Variants in SNRNP70 observed in about 807,000 individuals in gnomAD.
SNRNP70 encodes the protein U1 small nuclear ribonucleoprotein 70 kDa.
Under a neutral mutation model 50.5 loss-of-function variants are expected in SNRNP70, and 8 were observed. That is an observed-to-expected ratio of 0.16 (90% CI 0.09 to 0.29). SNRNP70 has a LOEUF of 0.29. Ranked by LOEUF, SNRNP70 falls within the 10% of genes least tolerant of loss-of-function variation. The pLI, the probability that SNRNP70 is intolerant of heterozygous loss-of-function variation, is 1.00. For missense variants in SNRNP70, 529 were observed against 663.5 expected (o/e 0.80, Z 2.23); for synonymous variants, 320 against 252.9 (o/e 1.27, Z -2.52).
At chr19:49,106,360 TA>T (rs1215543378) in intron 8 of SNRNP70, among the ~76,000 whole-genome samples, 1 of 152,232 alleles carries the variant, frequency 6.6e-6, no homozygotes, top group African/African-American at 2.4e-5. Context: ...TACTGTAACC[TA>T]AAGTTTGAGG....
In SNRNP70 at chr19:49,104,882, C is replaced by T. The variant is rs1295494260; in HGVS notation, c.577+147C>T. 8.6e-6 allele frequency: 5 copies of T among 581,160 alleles called. No homozygotes were observed. The highest frequency in any genetic ancestry group is 7.6e-5 in the African/African-American group (4 of 52,464). The allele number at this position is 581,160 out of a possible 1,614,324, so 36.0% of individuals were successfully genotyped here. On this transcript the variant is annotated intron_variant, in intron 8 of 9. Coordinates refer to ENST00000598441, the MANE Select transcript of SNRNP70 (RefSeq NM_003089.6). This position sits in a 1 kb window ranked among gnomAD's most constrained non-coding sequence, Gnocchi z 5.4. Reference sequence around the variant, plus strand: ...ATCTCCGGCTTCTCTCTCTTGTGGCCATCACATTTCTGACAGCTGCCTGCC... The same window carrying T: ...ATCTCCGGCTTCTCTCTCTTGTGGCTATCACATTTCTGACAGCTGCCTGCC...
At position 49,101,485 on chromosome 19, in the gene SNRNP70, G is replaced by A. The variant is rs947214801; in HGVS notation, c.475+14G>A. The stretch of plus-strand genomic sequence containing the variant: ...GAGACATGCACTGTGAGTACCTCCC[G>A]CCGAGCCCTGCCCTCTGACCTGCTC... On this transcript the variant is annotated intron_variant, in intron 7 of 9. Transcript: ENST00000598441. 5 of 1,594,736 alleles carry A rather than the reference G, an allele frequency of 3.1e-6. No homozygotes were observed. Among genetic ancestry groups the A allele is most frequent in the African/African-American group, 1.3e-5 (1 of 74,488 alleles).
chr19:49,108,550 G>T lies in SNRNP70; in HGVS notation c.*107G>T. On this transcript the variant is annotated 3_prime_UTR_variant, in exon 10 of 10. Coordinates refer to ENST00000598441, the MANE Select transcript of SNRNP70 (RefSeq NM_003089.6). The stretch of plus-strand genomic sequence containing the variant: ...ACTTGAGTTTGTCCTCCAAGGGTAG[G>T]TGTCTCATTTGTTCTGGCCCCTTGG... 2.1e-6 allele frequency: 3 copies of T among 1,401,210 alleles called. No individual in the cohort carries two copies. The South Asian group carries it at 4.1e-5, about 19-fold the overall frequency. The allele number at this position is 1,401,210 out of a possible 1,614,324, so 86.8% of individuals were successfully genotyped here.
intron 7 of SNRNP70, chr19:49,102,025 A>C (rs1179976481): frequency 1.8e-6 from 1 of 556,868 alleles, no homozygotes; most frequent in Non-Finnish European, 2.9e-6. Context: ...CGGCGTCCAC[A>C]TGGGCAGGGA....
chr19:49,085,504 T>C lies in SNRNP70; in HGVS notation c.-143T>C, dbSNP rs183919093. 2.4e-3 allele frequency: 1,109 copies of C among 454,364 alleles called. 3 individuals are homozygous for C. The highest frequency in any genetic ancestry group is 3.9e-3 in the Non-Finnish European group (871 of 225,644). 28.1% of individuals were successfully genotyped at this position (454,364 alleles called of 1,614,324 possible). A position where few individuals can be genotyped will look rare whatever the true frequency, so the allele number is the denominator to read the frequency against. On this transcript the variant is annotated 5_prime_UTR_variant, in exon 1 of 10. Transcript: ENST00000598441. ...TGAGCAGCGGCCTGGTGCGCTCGCT[T>C]AGCGGGCGACGGAATCAGACGGACG...
chr19:49,105,729 C>CAA (rs533671522), intron 8 of SNRNP70, among the ~76,000 whole-genome samples: 8 of 135,520 alleles, frequency 5.9e-5, no homozygotes, highest in African/African-American at 1.8e-4. Context: ...GACTCTGTCT[C>CAA]AAAAAAAAAA....
In SNRNP70 at chr19:49,090,333, G is replaced by A; in HGVS notation, c.190G>A (p.Glu64Lys). ...APPPTRAETREERMERKRREK... is the reference protein window; with the variant it reads ...APPPTRAETRKERMERKRREK... ...TCCTCCAACTCGTGCTGAAACCCGA[G>A]AGGAGCGCATGGAGAGGAAAGTATG... The change falls in exon 3 of 10, where the codon GAG becomes AAG. Residue 64 changes from glutamate to lysine, a missense_variant. Around this residue, in one of 4 missense-constraint regions of SNRNP70, gnomAD observed 149 missense variants for 259.7 expected, o/e 0.57. Coordinates refer to ENST00000598441, the MANE Select transcript of SNRNP70 (RefSeq NM_003089.6). The A allele has an allele frequency of 6.2e-7, 1 of 1,614,010 alleles. No individual in the cohort carries two copies. Among genetic ancestry groups the A allele is most frequent in the South Asian group, 1.1e-5 (1 of 91,074 alleles).
chr19:49,095,753 T>C (rs7253574), intron 4 of SNRNP70, among the ~76,000 whole-genome samples: 70,657 of 151,680 alleles, frequency 0.47, 16,665 homozygotes, highest in South Asian at 0.55. Flanking sequence ...TCTTGAACTC[T>C]TGGTCACAAG....
chr19:49,102,018 C>T (rs2040594970), intron 7 of SNRNP70: 3 of 522,208 alleles, frequency 5.7e-6, no homozygotes, highest in South Asian at 1.6e-5. Context: ...GCTGCCGCGG[C>T]GTCCACATGG....
Position 49,108,278 on chromosome 19 carries a change from G to A in SNRNP70, c.1149G>A (p.Arg383=). The A allele has an allele frequency of 1.3e-6, 2 of 1,563,188 alleles. No individual in the cohort carries two copies. The highest frequency in any genetic ancestry group is 1.7e-6 in the Non-Finnish European group (2 of 1,154,590). ...DRDREHKRGE[R]GSERGRDEAR... Reference sequence around the variant, plus strand: ...ACCGCGAGCACAAACGGGGGGAGCGGGGCAGTGAGCGGGGCAGGGATGAGG... The same window carrying A: ...ACCGCGAGCACAAACGGGGGGAGCGAGGCAGTGAGCGGGGCAGGGATGAGG... Residue 383 remains arginine, a synonymous_variant, in exon 10 of 10, where the codon CGG becomes CGA. Coordinates refer to ENST00000598441, the MANE Select transcript of SNRNP70 (RefSeq NM_003089.6).
intron 2 of SNRNP70, 123 bp downstream of exon 2, chr19:49,086,684 A>G (rs75684652): frequency 3.9e-4 from 347 of 890,860 alleles, no homozygotes; most frequent in Non-Finnish European, 5.8e-4. Flanking sequence ...AACCTTTGTG[A>G]TCCTCAGTTT....
rs1568424612 is a variant in SNRNP70 at position 49,108,057 on chromosome 19, CGTGGCGGCG to C, written c.935_943del (p.Gly312_Gly314del). The stretch of plus-strand genomic sequence containing the variant: ...GGAGCGGGAGCGCAAGGAGGAGCTG[CGTGGCGGCG>C]GTGGCGACATGGCGGAGCCCTCCGA... On this transcript the variant is annotated inframe_deletion, in exon 10 of 10. Coordinates refer to ENST00000598441, the MANE Select transcript of SNRNP70 (RefSeq NM_003089.6). 2 of 1,551,228 alleles carry C rather than the reference CGTGGCGGCG, an allele frequency of 1.3e-6. No homozygotes were observed. Among genetic ancestry groups the C allele is most frequent in the Non-Finnish European group, 1.7e-6 (2 of 1,148,458 alleles).
Position 49,090,305 on chromosome 19 carries a change from C to T in SNRNP70, c.162C>T (p.Ala54=), listed in dbSNP as rs778934620. The change falls in exon 3 of 10, where the codon GCC becomes GCT. Residue 54 remains alanine (A), a synonymous_variant. Transcript: ENST00000598441. ...YIREFEDPRD[A]PPPTRAETRE... is the part of the protein sequence containing the mutation. ...CTTGTTCCCAGGACCCTCGAGATGC[C>T]CCTCCTCCAACTCGTGCTGAAACCC... The T allele has an allele frequency of 1.9e-6, 3 of 1,613,826 alleles. No homozygotes were observed. In the African/African-American group the frequency reaches 4.0e-5, roughly 22 times the overall value.
chr19:49,108,568 C>A lies in SNRNP70; in HGVS notation c.*125C>A. Reference sequence around the variant, plus strand: ...AGGGTAGGTGTCTCATTTGTTCTGGCCCCTTGGATTTAAAAATAAAATTAA... The same window carrying A: ...AGGGTAGGTGTCTCATTTGTTCTGGACCCTTGGATTTAAAAATAAAATTAA... On this transcript the variant is annotated 3_prime_UTR_variant, in exon 10 of 10. Transcript: ENST00000598441. The A allele has an allele frequency of 1.6e-6, 2 of 1,233,448 alleles. No individual in the cohort carries two copies. The highest frequency in any genetic ancestry group is 2.2e-6 in the Non-Finnish European group (2 of 914,164). The allele number at this position is 1,233,448 out of a possible 1,614,324, so 76.4% of individuals were successfully genotyped here. A position where few individuals can be genotyped will look rare whatever the true frequency, so the allele number is the denominator to read the frequency against.
At chr19:49,089,885 G>T (rs2040427122) in intron 2 of SNRNP70, among the ~76,000 whole-genome samples, 1 of 151,656 alleles carries the variant, frequency 6.6e-6, no homozygotes, top group Non-Finnish European at 1.5e-5. Context: ...GATGGTCTCG[G>T]ATCTCCTGAC....
chr19:49,098,752 G>C (rs768629814), intron 6 of SNRNP70, 48 bp downstream of exon 6: 6 of 1,478,082 alleles, frequency 4.1e-6, no homozygotes, highest in Non-Finnish European at 5.7e-6. Context: ...CATGGAGGAG[G>C]GGCTGTATCC....
At chr19:49,093,540 G>C (rs144754777) in intron 4 of SNRNP70, among the ~76,000 whole-genome samples, 1 of 149,716 alleles carries the variant, frequency 6.7e-6, no homozygotes, top group Non-Finnish European at 1.5e-5. Context: ...TTAGCCCGGC[G>C]TGGTGATGTG....
intron 2 of SNRNP70, 27 bp from the exon 3 acceptor site, chr19:49,090,264 C>T: frequency 6.2e-7 from 1 of 1,609,048 alleles, no homozygotes; most frequent in Non-Finnish European, 8.5e-7. Context: ...GTCCTTCCCA[C>T]CCTGTCACCT....
chr19:49,086,849 G>T (rs1243463127), intron 2 of SNRNP70, among the ~76,000 whole-genome samples: 2 of 151,290 alleles, frequency 1.3e-5, no homozygotes, highest in Non-Finnish European at 2.9e-5. Flanking sequence ...CGGCCTGGGT[G>T]ACAGAGCAGG....
Sources: allele counts gnomAD v4.1 joint callset (sites outside exome capture counted in the v4.1 genomes callset), GRCh38; gene constraint gnomAD v4.1.1; regional missense constraint gnomAD v4.1.1; non-coding constraint Gnocchi (gnomAD v3.1); transcripts MANE v1.5; gene names NCBI Gene and HGNC (gene_info 2026-07-23, HGNC 2026-07-21).